Variants in SLC35F1 observed in about 807,000 individuals in gnomAD.
The protein encoded by SLC35F1 is solute carrier family 35 member F1.
In SLC35F1, 14 loss-of-function variants were observed where a neutral mutation model predicts 48.7. The ratio of observed to expected loss-of-function variants is 0.29; its 90% CI spans 0.19 to 0.45. The LOEUF is 0.45. SLC35F1 is among the 20% of genes least tolerant of loss of function. SLC35F1 has a pLI of 1.00. For missense variants in SLC35F1, 404 were observed against 500.0 expected (o/e 0.81, Z 1.83); for synonymous variants, 190 against 202.2 (o/e 0.94, Z 0.51).
At chr6:117,978,390 C>T (rs1254105704) in intron 1 of SLC35F1, among the ~76,000 whole-genome samples, 1 of 151,922 alleles carries the variant, frequency 6.6e-6, no homozygotes, top group East Asian at 1.9e-4. Context: ...ACCACATTTA[C>T]TTAGTGTTTT....
chr6:118,221,029 C>G (rs1395786679), intron 2 of SLC35F1, among the ~76,000 whole-genome samples: 1 of 152,142 alleles, frequency 6.6e-6, no homozygotes, highest in East Asian at 1.9e-4. Context: ...CTTTTCCTCT[C>G]CTGGTTCTTG....
intron 1 of SLC35F1, among the ~76,000 whole-genome samples, chr6:118,041,723 G>A (rs1772224154): frequency 6.6e-6 from 1 of 152,136 alleles, no homozygotes; most frequent in Non-Finnish European, 1.5e-5. Flanking sequence ...CAGAGATCTT[G>A]CAAGCAAAGG....
chr6:118,306,525 T>C (rs951620827), intron 7 of SLC35F1, among the ~76,000 whole-genome samples: 4 of 152,230 alleles, frequency 2.6e-5, no homozygotes, highest in Non-Finnish European at 5.9e-5. Flanking sequence ...TGTCTTGTGA[T>C]GCAAAAGTCC....
intron 2 of SLC35F1, among the ~76,000 whole-genome samples, chr6:118,211,281 A>C (rs1291352745): frequency 1.3e-5 from 2 of 152,186 alleles, no homozygotes; most frequent in Non-Finnish European, 2.9e-5. Context: ...TTTTCTTCTA[A>C]ACTTCCATTG....
intron 1 of SLC35F1, among the ~76,000 whole-genome samples, chr6:118,125,347 C>T (rs1334839): frequency 0.33 from 45,923 of 140,790 alleles, 8,628 homozygotes; most frequent in Non-Finnish European, 0.44. Context: ...AAATTGTGAA[C>T]GCTTGGTTTT....
At chr6:118,173,351 C>T (rs901428130) in intron 2 of SLC35F1, among the ~76,000 whole-genome samples, 9 of 136,282 alleles carry the variant, frequency 6.6e-5, no homozygotes, top group East Asian at 4.0e-4. Context: ...TAACAGATTA[C>T]GAAAAAAAAG....
At chr6:118,274,678 G>C (rs576857710) in intron 4 of SLC35F1, among the ~76,000 whole-genome samples, 1 of 152,198 alleles carries the variant, frequency 6.6e-6, no homozygotes, top group Admixed American at 6.5e-5. Flanking sequence ...GATTACAGGC[G>C]TGTGCCACCA....
chr6:118,227,845 G>A (rs1370737813), intron 2 of SLC35F1, among the ~76,000 whole-genome samples: 2 of 152,192 alleles, frequency 1.3e-5, no homozygotes, highest in Non-Finnish European at 2.9e-5. Flanking sequence ...ATGAGTAGGA[G>A]CTTTAATGAG....
intron 1 of SLC35F1, among the ~76,000 whole-genome samples, chr6:118,038,630 A>C (rs1239468021): frequency 6.6e-6 from 1 of 151,466 alleles, no homozygotes; most frequent in Non-Finnish European, 1.5e-5. Context: ...TATTATTATT[A>C]TTATTATTTG....
At chr6:118,246,227 T>G (rs1294061595) in intron 3 of SLC35F1, among the ~76,000 whole-genome samples, 2 of 152,170 alleles carry the variant, frequency 1.3e-5, no homozygotes, top group East Asian at 3.9e-4. Flanking sequence ...GATGCTTCCT[T>G]GCTAAAGAAG....
At chr6:118,115,442 T>A (rs1218484023) in intron 1 of SLC35F1, among the ~76,000 whole-genome samples, 1 of 152,206 alleles carries the variant, frequency 6.6e-6, no homozygotes, top group African/African-American at 2.4e-5. Flanking sequence ...TTTATTCTAT[T>A]TATCCTAGAA....
chr6:118,231,066 G>C (rs1193246170), intron 2 of SLC35F1, among the ~76,000 whole-genome samples: 1 of 152,146 alleles, frequency 6.6e-6, no homozygotes, highest in Non-Finnish European at 1.5e-5. Context: ...AAATCTGGCA[G>C]GGACAGAGAG....
intron 1 of SLC35F1, among the ~76,000 whole-genome samples, chr6:118,126,171 G>C (rs972834442): frequency 2.2e-4 from 34 of 152,274 alleles, no homozygotes; most frequent in Admixed American, 1.9e-3. Context: ...CCTGGACCTA[G>C]TGTCTCATCA....
intron 2 of SLC35F1, among the ~76,000 whole-genome samples, chr6:118,227,968 T>A (rs1775239720): frequency 1.3e-5 from 2 of 152,172 alleles, no homozygotes; most frequent in African/African-American, 4.8e-5. Context: ...GTGCAATATG[T>A]GTGGAATCAT....
intron 1 of SLC35F1, among the ~76,000 whole-genome samples, chr6:118,011,963 G>A (rs554504381): frequency 3.9e-5 from 6 of 152,256 alleles, no homozygotes; most frequent in African/African-American, 1.2e-4. Context: ...AAAGTGCTTT[G>A]AATTCTCAGA....
intron 1 of SLC35F1, among the ~76,000 whole-genome samples, chr6:118,007,275 T>G (rs187830190): frequency 6.6e-6 from 1 of 152,264 alleles, no homozygotes; most frequent in African/African-American, 2.4e-5. Context: ...AACCTCTTAA[T>G]CCGCTATTCA....
chr6:118,200,301 C>G (rs1206217525), intron 2 of SLC35F1, among the ~76,000 whole-genome samples: 1 of 152,136 alleles, frequency 6.6e-6, no homozygotes, highest in Admixed American at 6.5e-5. Flanking sequence ...TAGAACTGGG[C>G]TCAATTCTGA....
At chr6:118,283,402 T>A (rs1776008755) in intron 6 of SLC35F1, among the ~76,000 whole-genome samples, 1 of 152,196 alleles carries the variant, frequency 6.6e-6, no homozygotes, top group Non-Finnish European at 1.5e-5. Context: ...TTTTTCATTG[T>A]TCCTAGCCCA....
At chr6:118,185,832 G>GT (rs919823387) in intron 2 of SLC35F1, among the ~76,000 whole-genome samples, 1 of 152,002 alleles carries the variant, frequency 6.6e-6, no homozygotes, top group Admixed American at 6.6e-5. Context: ...AAAGATTGGG[G>GT]TTTTTTTGTT....
Sources: gnomAD v4.1 joint callset for allele counts (sites outside exome capture counted in the v4.1 genomes callset) on GRCh38, gnomAD v4.1.1 for gene constraint, MANE v1.5 for transcripts, NCBI Gene and HGNC (gene_info 2026-07-23, HGNC 2026-07-21) for gene names.